Variants in MDGA2 observed in about 807,000 individuals in gnomAD.
MDGA2 encodes MAM domain-containing glycosylphosphatidylinositol anchor protein 2.
In MDGA2, 40 loss-of-function variants were observed where a neutral mutation model predicts 117.8. The ratio of observed to expected loss-of-function variants is 0.34; its 90% CI spans 0.26 to 0.44. The LOEUF is 0.44. Among genes scored for constraint, MDGA2 ranks in the 20% least tolerant of loss-of-function variants. The pLI, the probability that MDGA2 is intolerant of heterozygous loss-of-function variation, is 1.00. For synonymous variants in MDGA2, 452 were observed against 439.0 expected (o/e 1.03, Z -0.37); for missense variants, 1,123 against 1,250.6 (o/e 0.90, Z 1.54).
intron 8 of MDGA2, among the ~76,000 whole-genome samples, chr14:46,985,234 C>T (rs1012734050): frequency 6.6e-6 from 1 of 151,738 alleles, no homozygotes; most frequent in Non-Finnish European, 1.5e-5. Flanking sequence ...AATGAAATAA[C>T]GTGAAAGTGA....
chr14:47,308,936 A>G (rs1889547314), intron 1 of MDGA2, among the ~76,000 whole-genome samples: 1 of 152,058 alleles, frequency 6.6e-6, no homozygotes, highest in African/African-American at 2.4e-5. Flanking sequence ...CTTCAGCCTT[A>G]GCTTACTTGC....
At chr14:46,842,900 T>C (rs1422738193) in intron 16 of MDGA2, among the ~76,000 whole-genome samples, 1 of 152,212 alleles carries the variant, frequency 6.6e-6, no homozygotes, top group Non-Finnish European at 1.5e-5. Context: ...ACTTAGAATA[T>C]AATATTCATT....
chr14:47,551,350 A>G (rs1180284051), intron 1 of MDGA2, among the ~76,000 whole-genome samples: 2 of 152,136 alleles, frequency 1.3e-5, no homozygotes, highest in East Asian at 3.9e-4. Flanking sequence ...CCTGGGGATA[A>G]ACACTTTTGC....
rs184484652 is a variant in MDGA2, at chr14:47,659,073, T to C, written c.280+15444A>G. Among the ~76,000 whole-genome samples the C allele has an allele frequency of 1.8e-3, 280 of 152,306 alleles. 1 individual carries two copies. Among genetic ancestry groups the C allele is most frequent in the African/African-American group, 6.3e-3 (262 of 41,570 alleles). The stretch of plus-strand genomic sequence containing the variant: ...AAGTCAACCTATGACATGAACACAC[T>C]GCATTCTGCTTTGATCTATTCTATT... On this transcript the variant is annotated intron_variant, in intron 1 of 16. Coordinates refer to ENST00000399232, the MANE Select transcript of MDGA2 (RefSeq NM_001113498.3).
At chr14:47,578,111 CT>C (rs941391363) in intron 1 of MDGA2, among the ~76,000 whole-genome samples, 17 of 152,108 alleles carry the variant, frequency 1.1e-4, no homozygotes, top group African/African-American at 4.1e-4. Context: ...AGATCATGTC[CT>C]TTTCATGGAC....
intron 1 of MDGA2, among the ~76,000 whole-genome samples, chr14:47,627,781 T>G (rs1042161616): frequency 3.4e-4 from 52 of 152,128 alleles, no homozygotes; most frequent in Non-Finnish European, 2.9e-5. Context: ...TTGCAATAAA[T>G]CTTGCTGCTG....
Position 47,637,903 on chromosome 14 carries a change from AAT to A in MDGA2, c.280+36612_280+36613del, listed in dbSNP as rs370878227. Among the ~76,000 whole-genome samples the A allele has an allele frequency of 2.6e-4, 39 of 152,294 alleles. No homozygotes were observed. The East Asian group carries it at 7.0e-3, about 27-fold the overall frequency. On this transcript the variant is annotated intron_variant, in intron 1 of 16. Transcript: ENST00000399232. ...GGCAAACTAAAACACACTAAGATTA[AAT>A]GTCTACGCTGTTACCCAAAGAGATG...
At chr14:47,633,458 C>T (rs1741752274) in intron 1 of MDGA2, among the ~76,000 whole-genome samples, 1 of 152,154 alleles carries the variant, frequency 6.6e-6, no homozygotes, top group African/African-American at 2.4e-5. Context: ...TTGAACCATT[C>T]AGGGATAATC....
At chr14:47,523,540 G>A (rs1263102894) in intron 1 of MDGA2, among the ~76,000 whole-genome samples, 3 of 152,102 alleles carry the variant, frequency 2.0e-5, no homozygotes, top group Non-Finnish European at 4.4e-5. Context: ...ATCTGTAATC[G>A]ATCCATGGAA....
At chr14:47,570,511 G>T (rs1895999281) in intron 1 of MDGA2, among the ~76,000 whole-genome samples, 1 of 152,060 alleles carries the variant, frequency 6.6e-6, no homozygotes, top group African/African-American at 2.4e-5. Flanking sequence ...ATATTACTTT[G>T]TAAGTGATAC....
At chr14:46,938,306 A>T (rs1382884887) in intron 9 of MDGA2, among the ~76,000 whole-genome samples, 1 of 151,970 alleles carries the variant, frequency 6.6e-6, no homozygotes, top group Admixed American at 6.6e-5. Context: ...TGGGAGGCCT[A>T]GGTGGGTGGA....
chr14:47,068,688 G>A (rs17118000), intron 6 of MDGA2, among the ~76,000 whole-genome samples: 48,074 of 151,812 alleles, frequency 0.32, 8,366 homozygotes, highest in East Asian at 0.52. Flanking sequence ...TTTATTAGTT[G>A]CTAAAGACCT....
At chr14:47,229,312 A>C (rs1350405449) in intron 2 of MDGA2, among the ~76,000 whole-genome samples, 2 of 152,106 alleles carry the variant, frequency 1.3e-5, no homozygotes, top group Admixed American at 6.6e-5. Flanking sequence ...TTGTGGGCCT[A>C]CCTCAAGAGA....
chr14:47,005,741 C>T (rs945359308), intron 8 of MDGA2, among the ~76,000 whole-genome samples: 1 of 151,348 alleles, frequency 6.6e-6, no homozygotes, highest in Non-Finnish European at 1.5e-5. Context: ...TTTCATCTCC[C>T]TATATGTATA....
intron 2 of MDGA2, among the ~76,000 whole-genome samples, chr14:47,261,320 C>A (rs1290691926): frequency 2.6e-5 from 4 of 152,090 alleles, no homozygotes; most frequent in African/African-American, 9.7e-5. Context: ...GCATGATCTC[C>A]ATTTACTAAT....
intron 1 of MDGA2, among the ~76,000 whole-genome samples, chr14:47,364,066 T>C (rs1436511567): frequency 1.3e-5 from 2 of 151,978 alleles, no homozygotes; most frequent in African/African-American, 4.8e-5. Flanking sequence ...AATTACATGA[T>C]TATAGATGAA....
chr14:47,244,918 C>A (rs1207857801), intron 2 of MDGA2, among the ~76,000 whole-genome samples: 1 of 151,826 alleles, frequency 6.6e-6, no homozygotes, highest in African/African-American at 2.4e-5. Context: ...TCCTCCTCAG[C>A]CTACTCAATG....
intron 2 of MDGA2, among the ~76,000 whole-genome samples, chr14:47,239,218 T>A (rs1380235251): frequency 1.5e-5 from 2 of 129,368 alleles, no homozygotes; most frequent in African/African-American, 2.8e-5. Flanking sequence ...AAGTCAAAAT[T>A]TATTAAAAAA....
At chr14:46,872,606 A>G (rs765237963) in intron 14 of MDGA2, among the ~76,000 whole-genome samples, 1 of 152,000 alleles carries the variant, frequency 6.6e-6, no homozygotes, top group Non-Finnish European at 1.5e-5. Context: ...ATATTATTAA[A>G]AACAGTAATA....
Sources: gnomAD v4.1 joint callset for allele counts (sites outside exome capture counted in the v4.1 genomes callset) on GRCh38, gnomAD v4.1.1 for gene constraint, MANE v1.5 for transcripts, NCBI Gene and HGNC (gene_info 2026-07-23, HGNC 2026-07-21) for gene names.